The following TRIP12 variants were observed in gnomAD, a reference collection of about 807,000 sequenced individuals.
TRIP12 encodes the protein E3 ubiquitin-protein ligase TRIP12.
In TRIP12, 25 loss-of-function variants were observed where a neutral mutation model predicts 244.2. The ratio of observed to expected loss-of-function variants is 0.10; its 90% CI spans 0.07 to 0.14. The LOEUF is 0.14. TRIP12 is among the 10% of genes least tolerant of loss of function. The pLI, the probability that TRIP12 is intolerant of heterozygous loss-of-function variation, is 1.00. For synonymous variants in TRIP12, 905 were observed against 873.1 expected (o/e 1.04, Z -0.64); for missense variants, 1,677 against 2,486.4 (o/e 0.67, Z 6.92).
Position 229,767,255 on chromosome 2 carries a change from T to C in TRIP12, c.*299A>G. 3.7e-6 allele frequency: 1 copy of C among 268,334 alleles called. No homozygotes were observed. Among genetic ancestry groups the C allele is most frequent in the Non-Finnish European group, 6.9e-6 (1 of 143,946 alleles). 16.6% of individuals were successfully genotyped at this position (268,334 alleles called of 1,614,324 possible). On this transcript the variant is annotated 3_prime_UTR_variant, in exon 42 of 42. Coordinates refer to ENST00000675903, the MANE Select transcript of TRIP12 (RefSeq NM_001348323.3). Reference sequence around the variant, plus strand: ...TTTATTGTTCCAGCCTGGAAAAACATCCCTTTTTTAAATTTCACACAGCAA... The same window carrying C: ...TTTATTGTTCCAGCCTGGAAAAACACCCCTTTTTTAAATTTCACACAGCAA...
At chr2:229,828,996 CAG>C (rs1330601804) in intron 8 of TRIP12, among the ~76,000 whole-genome samples, 195 bp downstream of exon 8, 2 of 152,140 alleles carry the variant, frequency 1.3e-5, no homozygotes, top group Admixed American at 1.3e-4. Flanking sequence ...TTTGTTCAAA[CAG>C]AATCAATCTC....
At chr2:229,910,540 G>T (rs986299641) in intron 1 of TRIP12, among the ~76,000 whole-genome samples, 5 of 152,066 alleles carry the variant, frequency 3.3e-5, no homozygotes, top group African/African-American at 1.2e-4. Context: ...TAAAATGATG[G>T]TGTATTAGCT....
In TRIP12 at chr2:229,788,788, A is replaced by T. The variant is rs2154256468; in HGVS notation, c.4838+10T>A. ...TTCCAAGGCCACCATTACAGAAGTG[A>T]TTGTCTTACCAGGTTTTTCCTAGCT... On this transcript the variant is annotated intron_variant, in intron 32 of 41. Transcript: ENST00000675903. 1.2e-6 allele frequency: 2 copies of T among 1,610,548 alleles called. No individual in the cohort carries two copies. Among genetic ancestry groups the T allele is most frequent in the Non-Finnish European group, 1.7e-6 (2 of 1,179,120 alleles).
chr2:229,873,869 T>C (rs977937164), intron 2 of TRIP12, among the ~76,000 whole-genome samples: 1 of 152,114 alleles, frequency 6.6e-6, no homozygotes, highest in Non-Finnish European at 1.5e-5. Flanking sequence ...GGCAACTGTA[T>C]ACAAGCATTT....
rs1210403686 is a variant in TRIP12, at chr2:229,920,600, C to CA, written c.-50+1279dup. Among the ~76,000 whole-genome samples the CA allele has an allele frequency of 2.0e-5, 3 of 152,030 alleles. No homozygotes were observed. In the East Asian group the frequency reaches 5.8e-4, roughly 29 times the overall value. On this transcript the variant is annotated intron_variant, in intron 1 of 41. Transcript: ENST00000675903. ...CTCCCCCAAAGTAAAACAGCATTAT[C>CA]AAAAAAACACAACATTTGTCTTAAG...
At chr2:229,808,061 G>A (rs917317281) in intron 16 of TRIP12, among the ~76,000 whole-genome samples, 191 bp downstream of exon 16, 4 of 151,928 alleles carry the variant, frequency 2.6e-5, no homozygotes, top group Admixed American at 2.6e-4. Flanking sequence ...CGCCTCCCAG[G>A]TTCAAGCAAT....
At chr2:229,883,881 G>A (rs751149256) in intron 1 of TRIP12, among the ~76,000 whole-genome samples, 7 of 152,056 alleles carry the variant, frequency 4.6e-5, no homozygotes, top group South Asian at 2.1e-4. Context: ...GGCTGGGCGC[G>A]GTGGCTCACG....
intron 6 of TRIP12, among the ~76,000 whole-genome samples, chr2:229,833,289 T>C (rs994176057): frequency 4.6e-5 from 7 of 152,156 alleles, no homozygotes; most frequent in Admixed American, 3.9e-4. Flanking sequence ...AGAATCTTTT[T>C]TATTTTTATT....
intron 21 of TRIP12, among the ~76,000 whole-genome samples, chr2:229,799,852 T>C (rs2043820760): frequency 6.6e-6 from 1 of 152,196 alleles, no homozygotes; most frequent in Admixed American, 6.5e-5. Context: ...CCAGTCATGT[T>C]CTAGAGGTGT....
chr2:229,819,734 A>G lies in TRIP12; in HGVS notation c.1451-1222T>C, dbSNP rs184408076. On this transcript the variant is annotated intron_variant, in intron 8 of 41. Transcript: ENST00000675903. ...TCGCAAATTGGACTTTTCCAGTCCT[A>G]TATCATTGAGTACTGAAATGTGTAG... Among the ~76,000 whole-genome samples, 16 of 152,308 alleles carry G rather than the reference A, an allele frequency of 1.1e-4. No individual in the cohort carries two copies. In the East Asian group the frequency reaches 2.5e-3, roughly 24 times the overall value.
intron 1 of TRIP12, chr2:229,921,139 G>A (rs899579168): frequency 2.6e-5 from 4 of 151,250 alleles, no homozygotes; most frequent in Non-Finnish European, 5.9e-5. Flanking sequence ...CTCCCTGCAT[G>A]CCCCCCTCGT....
At chr2:229,900,591 G>A (rs940767931) in intron 1 of TRIP12, 3 of 152,084 alleles carry the variant, frequency 2.0e-5, no homozygotes, top group Admixed American at 1.3e-4. Context: ...GGCCAGGTGC[G>A]GTAGCTCACG....
chr2:229,837,873 C>T (rs2055247368), intron 5 of TRIP12, among the ~76,000 whole-genome samples: 1 of 152,176 alleles, frequency 6.6e-6, no homozygotes, highest in South Asian at 2.1e-4. Flanking sequence ...AGAATGACCA[C>T]TTATTTCTCC....
chr2:229,856,416 G>A (rs540118440), intron 4 of TRIP12, among the ~76,000 whole-genome samples: 36 of 152,296 alleles, frequency 2.4e-4, no homozygotes, highest in African/African-American at 7.9e-4. Context: ...GAAACACCAA[G>A]GAGAAAATCC....
chr2:229,792,148 C>G lies in TRIP12; in HGVS notation c.4215+5G>C. On this transcript the variant is annotated splice_donor_5th_base_variant and intron_variant, in intron 28 of 41. Transcript: ENST00000675903. ...ATTATACATGGTGGGAATATAGTAC[C>G]TTACCAGAGACTCATCTATTTCCTC... is the stretch of plus-strand genomic sequence containing the variant. 6.2e-7 allele frequency: 1 copy of G among 1,613,980 alleles called. No individual in the cohort carries two copies. Among genetic ancestry groups the G allele is most frequent in the Non-Finnish European group, 8.5e-7 (1 of 1,179,960 alleles).
At position 229,777,468 on chromosome 2, in the gene TRIP12, G is replaced by T. The variant is rs756723896; in HGVS notation, c.5376C>A (p.Pro1792=). ...AIMDFRLVDL[P]LGLPFYKWML... The stretch of plus-strand genomic sequence containing the variant: ...TCCATTTATAAAAGGGTAAGCCAAG[G>T]GGAAGGTCCACCTGAAATGGAATAT... The change falls in exon 37 of 42, where the codon CCC becomes CCA. Residue 1792 remains proline (P), a synonymous_variant. Coordinates refer to ENST00000675903, the MANE Select transcript of TRIP12 (RefSeq NM_001348323.3). 113 of 1,613,696 alleles carry T rather than the reference G, an allele frequency of 7.0e-5. 1 individual carries two copies. Among genetic ancestry groups the T allele is most frequent in the South Asian group, 4.8e-4 (44 of 91,054 alleles).
intron 21 of TRIP12, 32 bp from the exon 22 acceptor site, chr2:229,799,415 C>T (rs761974197): frequency 2.5e-6 from 4 of 1,572,766 alleles, no homozygotes; most frequent in East Asian, 4.5e-5. Context: ...ATAAGTTTAG[C>T]AATTACCACT....
chr2:229,907,329 C>T (rs1212418204), intron 1 of TRIP12, among the ~76,000 whole-genome samples: 1 of 152,178 alleles, frequency 6.6e-6, no homozygotes, highest in East Asian at 1.9e-4. Flanking sequence ...TACACAGTAA[C>T]ATGCTCAAGG....
chr2:229,901,259 A>G (rs1489024696), intron 1 of TRIP12, among the ~76,000 whole-genome samples: 1 of 151,864 alleles, frequency 6.6e-6, no homozygotes, highest in Non-Finnish European at 1.5e-5. Context: ...TAAAAATTCT[A>G]TTTTGTTCAC....
Sources: gnomAD v4.1 joint callset for allele counts (sites outside exome capture counted in the v4.1 genomes callset) on GRCh38, gnomAD v4.1.1 for gene constraint, MANE v1.5 for transcripts, NCBI Gene and HGNC (gene_info 2026-07-23, HGNC 2026-07-21) for gene names.